The following RSPH14 variants were observed in gnomAD, a reference collection of about 807,000 sequenced individuals.
The protein encoded by RSPH14 is radial spoke head 14 homolog, also known as rhabdoid tumor deletion region gene 1.
In RSPH14, 20 loss-of-function variants were observed where a neutral mutation model predicts 26.7. The observed-to-expected ratio is 0.75, with a 90% CI of 0.53 to 1.09. The LOEUF (loss-of-function observed/expected upper bound fraction) is 1.09. RSPH14 is among the 50% of genes least tolerant of loss of function. RSPH14 has a pLI of 0.00. For synonymous variants in RSPH14, 177 were observed against 189.3 expected, an observed-to-expected ratio of 0.93 and a Z score of 0.53; for missense variants, 449 against 457.2, an observed-to-expected ratio of 0.98 and a Z score of 0.16.
chr22:23,106,599 G>A (rs2069485153), intron 4 of RSPH14, among the ~76,000 whole-genome samples: 1 of 152,224 alleles, frequency 6.6e-6, no homozygotes, highest in Non-Finnish European at 1.5e-5. Context: ...AGGAGGTAGG[G>A]CAGTTCTGGA....
upstream of RSPH14, among the ~76,000 whole-genome samples, chr22:23,147,327 C>T (rs1282516250): frequency 6.6e-6 from 1 of 151,608 alleles, no homozygotes; most frequent in Non-Finnish European, 1.5e-5. Flanking sequence ...TCCAGCCATT[C>T]TGTTTCTTTT....
Position 23,059,431 on chromosome 22 carries a change from A to G in RSPH14, c.*31T>C. The G allele has an allele frequency of 6.4e-7, 1 of 1,558,556 alleles. No individual in the cohort carries two copies. The highest frequency in any genetic ancestry group is 8.7e-7 in the Non-Finnish European group (1 of 1,148,116). Reference sequence around the variant, plus strand: ...GACCCGAGATAAAGAGACTTAGCACATTTATTCACTCACAGAGGTGAATGA... The same window carrying G: ...GACCCGAGATAAAGAGACTTAGCACGTTTATTCACTCACAGAGGTGAATGA... On this transcript the variant is annotated 3_prime_UTR_variant, in exon 7 of 7. Coordinates refer to ENST00000216036, the MANE Select transcript of RSPH14 (RefSeq NM_014433.3).
upstream of RSPH14, chr22:23,142,205 A>G (rs1477326167): frequency 5.9e-6 from 1 of 169,708 alleles, no homozygotes; most frequent in African/African-American, 2.4e-5. Context: ...GAAGTGACTT[A>G]TTTACGCCCT....
At chr22:23,142,376 C>A (rs1037260678), upstream of RSPH14, among the ~76,000 whole-genome samples, 5 of 152,010 alleles carry the variant, frequency 3.3e-5, no homozygotes, top group South Asian at 1.0e-3. Flanking sequence ...AGTGCAGTGG[C>A]GCGATCTTGA....
chr22:23,152,482 G>A, the RSPH14 span: 2 of 1,614,188 alleles, frequency 1.2e-6, no homozygotes, highest in Non-Finnish European at 1.7e-6. Context: ...CCAAGGTGGT[G>A]GTGGTTGGCG....
At chr22:23,130,737 C>G (rs578083243) in intron 4 of RSPH14, among the ~76,000 whole-genome samples, 2 of 152,330 alleles carry the variant, frequency 1.3e-5, no homozygotes, top group African/African-American at 4.8e-5. Flanking sequence ...CACACTCTCT[C>G]CAGAGGCACT....
chr22:23,078,355 A>G (rs1174679660), intron 4 of RSPH14, among the ~76,000 whole-genome samples: 1 of 152,152 alleles, frequency 6.6e-6, no homozygotes, highest in Admixed American at 6.5e-5. Flanking sequence ...TGATAACACC[A>G]CGCACGCAAG....
chr22:23,173,205 G>C, the RSPH14 span, among the ~76,000 whole-genome samples: 1 of 151,662 alleles, frequency 6.6e-6, no homozygotes, highest in Non-Finnish European at 1.5e-5. Flanking sequence ...CGCGATCTCC[G>C]CTCACTGCAA....
At chr22:23,170,367 C>A in the RSPH14 span, among the ~76,000 whole-genome samples, 14,355 of 152,222 alleles carry the variant, frequency 0.094, 1,413 homozygotes, top group East Asian at 0.56. Flanking sequence ...GGCAAGGGCC[C>A]TTTTCTAGGT....
the RSPH14 span, chr22:23,156,030 A>C: frequency 2.5e-6 from 4 of 1,611,788 alleles, no homozygotes; most frequent in Non-Finnish European, 3.4e-6. Context: ...CGGGGTGCCC[A>C]GGGTGAGCAA....
At chr22:23,102,034 A>C (rs781530723) in intron 4 of RSPH14, among the ~76,000 whole-genome samples, 1 of 152,192 alleles carries the variant, frequency 6.6e-6, no homozygotes, top group Non-Finnish European at 1.5e-5. Context: ...GGCTGGGCAC[A>C]CACCTATAGC....
rs928923687 is a variant in RSPH14 at position 23,137,890 on chromosome 22, AACT to A, written c.302+947_302+949del. The A allele has an allele frequency of 2.6e-4, 41 of 158,140 alleles. 1 individual carries two copies. The highest frequency in any genetic ancestry group is 9.1e-4 in the African/African-American group (38 of 41,788). 9.8% of individuals were successfully genotyped at this position (158,140 alleles called of 1,614,324 possible). ...GGGTTTTGTTTCTAATACAAAGTAAAACTACTGATCGCCAGTCAAGAGGGTGAA... is the reference window on the plus strand; with the variant it reads ...GGGTTTTGTTTCTAATACAAAGTAAAACTGATCGCCAGTCAAGAGGGTGAA... On this transcript the variant is annotated intron_variant, in intron 3 of 6. Transcript: ENST00000216036.
At chr22:23,162,518 AG>A in the RSPH14 span, 2 of 413,708 alleles carry the variant, frequency 4.8e-6, no homozygotes. Context: ...AGAGGACTTC[AG>A]AGGCCCTGCC....
chr22:23,158,024 C>T, the RSPH14 span: 46 of 1,614,068 alleles, frequency 2.8e-5, no homozygotes, highest in Non-Finnish European at 3.9e-5. Context: ...CACTGACGTG[C>T]AGACCCTGGA....
At chr22:23,066,242 C>T (rs2068208747) in intron 4 of RSPH14, among the ~76,000 whole-genome samples, 1 of 152,144 alleles carries the variant, frequency 6.6e-6, no homozygotes, top group Non-Finnish European at 1.5e-5. Context: ...TCTGAGCTTC[C>T]CAGGAAATCC....
chr22:23,075,819 G>A (rs944663578), intron 4 of RSPH14, among the ~76,000 whole-genome samples: 2 of 152,226 alleles, frequency 1.3e-5, no homozygotes, highest in Non-Finnish European at 2.9e-5. Context: ...GGGATGGAGA[G>A]CTGCCAGGAC....
At chr22:23,106,385 G>A (rs1458678866) in intron 4 of RSPH14, among the ~76,000 whole-genome samples, 1 of 152,264 alleles carries the variant, frequency 6.6e-6, no homozygotes, top group Non-Finnish European at 1.5e-5. Flanking sequence ...GCTCTGCCCA[G>A]TGGGTGAAGC....
chr22:23,168,590 C>G, the RSPH14 span, among the ~76,000 whole-genome samples: 2 of 152,212 alleles, frequency 1.3e-5, no homozygotes, highest in African/African-American at 4.8e-5. Context: ...CTGCTGTGGC[C>G]TACCAATGTC....
At chr22:23,095,617 C>A in intron 4 of RSPH14, 1 of 1,487,710 alleles carries the variant, frequency 6.7e-7, no homozygotes, top group Non-Finnish European at 9.0e-7. Context: ...TCTTGTCTGC[C>A]TGGTCTCAGT....
Sources: gnomAD v4.1 joint callset for allele counts (sites outside exome capture counted in the v4.1 genomes callset) on GRCh38, gnomAD v4.1.1 for gene constraint, MANE v1.5 for transcripts, NCBI Gene and HGNC (gene_info 2026-07-23, HGNC 2026-07-21) for gene names.